RNFT2: variants seen among roughly 807,000 people sequenced by gnomAD.
RNFT2 encodes the protein E3 ubiquitin-protein ligase RNFT2.
RNFT2 carries 36 observed loss-of-function variants against 53.0 expected under a neutral mutation model. The observed-to-expected ratio is 0.68, with a 90% CI of 0.52 to 0.90. The LOEUF (loss-of-function observed/expected upper bound fraction) is 0.90. Among genes scored for constraint, RNFT2 ranks in the 40% least tolerant of loss-of-function variants. The probability of loss-of-function intolerance (pLI) is 0.00; values close to 1 mark genes in which losing one functional copy is unlikely to be tolerated. For missense variants in RNFT2, 514 were observed against 585.6 expected, an observed-to-expected ratio of 0.88 and a Z score of 1.26; for synonymous variants, 260 against 253.2, an observed-to-expected ratio of 1.03 and a Z score of -0.26.
At chr12:116,812,526 G>C (rs370520324) in intron 7 of RNFT2, among the ~76,000 whole-genome samples, 14 of 151,340 alleles carry the variant, frequency 9.3e-5, no homozygotes, top group African/African-American at 2.9e-4. Flanking sequence ...GTCTAGGCCT[G>C]TTCCTATCTT....
intron 3 of RNFT2, among the ~76,000 whole-genome samples, chr12:116,745,289 C>T (rs188443884): frequency 6.6e-6 from 1 of 151,696 alleles, no homozygotes; most frequent in Non-Finnish European, 1.5e-5. Context: ...ATTCTCCTGC[C>T]GCAGCCTCCT....
intron 6 of RNFT2, among the ~76,000 whole-genome samples, chr12:116,772,053 T>C (rs976092716): frequency 2.0e-5 from 3 of 151,786 alleles, no homozygotes; most frequent in Non-Finnish European, 4.4e-5. Context: ...GTCCCATAGT[T>C]GCTGCCCCAT....
At chr12:116,845,704 G>T (rs1354054639) in intron 10 of RNFT2, among the ~76,000 whole-genome samples, 1 of 152,104 alleles carries the variant, frequency 6.6e-6, no homozygotes, top group Admixed American at 6.6e-5. Context: ...TGTAGAAGCT[G>T]CAGGGCTTGC....
intron 10 of RNFT2, among the ~76,000 whole-genome samples, chr12:116,845,243 CAAA>C (rs66920809): frequency 0.49 from 40,237 of 81,868 alleles, 9,381 homozygotes; most frequent in Admixed American, 0.61. Context: ...GACCCGGTTT[CAAA>C]AAAAAAAAAA....
intron 6 of RNFT2, among the ~76,000 whole-genome samples, chr12:116,768,305 T>A (rs889687006): frequency 6.6e-6 from 1 of 152,190 alleles, no homozygotes; most frequent in South Asian, 2.1e-4. Flanking sequence ...TTCACCATGT[T>A]GGCCAGGCTG....
At chr12:116,823,904 T>G (rs1876189247) in intron 7 of RNFT2, among the ~76,000 whole-genome samples, 1 of 152,134 alleles carries the variant, frequency 6.6e-6, no homozygotes, top group African/African-American at 2.4e-5. Flanking sequence ...TAGCCCCATT[T>G]TACTAGCGAG....
intron 8 of RNFT2, 122 bp from the exon 9 acceptor site, chr12:116,835,838 G>A (rs1382261335): frequency 1.1e-6 from 1 of 911,362 alleles, no homozygotes; most frequent in Non-Finnish European, 1.8e-6. Context: ...ATGAGAAGAG[G>A]AGCCCTAAAA....
At chr12:116,746,507 G>A (rs1046115376) in intron 3 of RNFT2, among the ~76,000 whole-genome samples, 3 of 152,184 alleles carry the variant, frequency 2.0e-5, no homozygotes, top group Non-Finnish European at 4.4e-5. Context: ...GTCTAGGAAG[G>A]AGTGAAGCCT....
intron 6 of RNFT2, among the ~76,000 whole-genome samples, chr12:116,775,790 C>G (rs1873407378): frequency 6.6e-6 from 1 of 152,210 alleles, no homozygotes; most frequent in African/African-American, 2.4e-5. Flanking sequence ...CGCCTGTATT[C>G]CCAACACTTT....
intron 7 of RNFT2, among the ~76,000 whole-genome samples, chr12:116,786,864 G>T (rs1873957576): frequency 6.6e-6 from 1 of 152,260 alleles, no homozygotes; most frequent in East Asian, 1.9e-4. Flanking sequence ...CGGGCTTCTG[G>T]TGGCTCCTGG....
intron 7 of RNFT2, among the ~76,000 whole-genome samples, chr12:116,814,080 C>T (rs558577166): frequency 1.1e-3 from 173 of 152,292 alleles, no homozygotes; most frequent in African/African-American, 3.3e-3. Flanking sequence ...CAGCCCTCCC[C>T]GTGTCATTCT....
intron 7 of RNFT2, among the ~76,000 whole-genome samples, chr12:116,795,606 G>GTAGA (rs1365406406): frequency 4.4e-4 from 67 of 152,166 alleles, no homozygotes; most frequent in Non-Finnish European, 1.8e-4. Context: ...GGCTACTAGG[G>GTAGA]TAGACAATGT....
At chr12:116,787,672 T>C (rs1421936139) in intron 7 of RNFT2, among the ~76,000 whole-genome samples, 3 of 151,274 alleles carry the variant, frequency 2.0e-5, no homozygotes, top group East Asian at 3.9e-4. Flanking sequence ...CATGATCATG[T>C]CACTACACTC....
intron 10 of RNFT2, among the ~76,000 whole-genome samples, chr12:116,849,032 G>A (rs1446402140): frequency 6.6e-6 from 1 of 151,906 alleles, no homozygotes; most frequent in East Asian, 1.9e-4. Context: ...GTTGGCCAGG[G>A]TGGTCTCAAA....
intron 5 of RNFT2, among the ~76,000 whole-genome samples, chr12:116,758,004 C>T (rs2137085805): frequency 6.6e-6 from 1 of 152,226 alleles, no homozygotes; most frequent in East Asian, 1.9e-4. Flanking sequence ...TGTGGGAGCT[C>T]CAGTGTTAGG....
At chr12:116,804,105 T>A (rs1874935174) in intron 7 of RNFT2, among the ~76,000 whole-genome samples, 1 of 152,244 alleles carries the variant, frequency 6.6e-6, no homozygotes, top group Non-Finnish European at 1.5e-5. Context: ...TTACTACACA[T>A]TTATGTCCAT....
chr12:116,741,168 G>T, intron 3 of RNFT2, 74 bp downstream of exon 3: 1 of 1,144,090 alleles, frequency 8.7e-7, no homozygotes, highest in South Asian at 1.3e-5. Flanking sequence ...AAACTGGATT[G>T]AACAATACCT....
intron 6 of RNFT2, among the ~76,000 whole-genome samples, chr12:116,773,616 G>T (rs1359046920): frequency 1.3e-5 from 2 of 152,174 alleles, no homozygotes; most frequent in East Asian, 3.9e-4. Flanking sequence ...TTTCCCTGAG[G>T]ATGGCAGTGG....
chr12:116,746,331 G>C (rs1485491040), intron 3 of RNFT2, among the ~76,000 whole-genome samples: 1 of 152,244 alleles, frequency 6.6e-6, no homozygotes, highest in South Asian at 2.1e-4. Flanking sequence ...CAGTGGGGTC[G>C]GGGCACCTGT....
Sources: gnomAD v4.1 joint callset for allele counts (sites outside exome capture counted in the v4.1 genomes callset) on GRCh38, gnomAD v4.1.1 for gene constraint, MANE v1.5 for transcripts, NCBI Gene and HGNC (gene_info 2026-07-23, HGNC 2026-07-21) for gene names.